The following DYM variants were observed in gnomAD, a reference collection of about 807,000 sequenced individuals.
DYM encodes the protein dyggve-Melchior-Clausen syndrome protein.
DYM carries 78 observed loss-of-function variants against 93.1 expected under a neutral mutation model. The ratio of observed to expected loss-of-function variants is 0.84; its 90% CI spans 0.70 to 1.01. DYM has a LOEUF of 1.01. Ranked by LOEUF, DYM falls within the 50% of genes least tolerant of loss-of-function variation. The probability of loss-of-function intolerance (pLI) is 0.00; values close to 1 mark genes in which losing one functional copy is unlikely to be tolerated. For synonymous variants in DYM, 321 were observed against 319.7 expected (o/e 1.00, Z -0.04); for missense variants, 789 against 845.0 (o/e 0.93, Z 0.82).
chr18:49,089,519 A>G (rs985357040), intron 17 of DYM, among the ~76,000 whole-genome samples: 5 of 152,330 alleles, frequency 3.3e-5, no homozygotes, highest in African/African-American at 4.8e-5. Flanking sequence ...ATCAAGGCCA[A>G]CTGTTAATCC....
chr18:49,351,141 G>T (rs1304678111), intron 6 of DYM, among the ~76,000 whole-genome samples: 3 of 152,100 alleles, frequency 2.0e-5, no homozygotes, highest in African/African-American at 7.2e-5. Context: ...AGAGGGAAGG[G>T]CCGGGTACGG....
chr18:49,333,778 T>A lies in DYM; in HGVS notation c.570A>T (p.Lys190Asn). Reference sequence around the variant, plus strand: ...GGCTGATGCTCTGTCGCAAAACTTCTTTGTGGAAGAGTTGGCAGGAAAGGA... The same window carrying A: ...GGCTGATGCTCTGTCGCAAAACTTCATTGTGGAAGAGTTGGCAGGAAAGGA... ...VVFLSCQLFH[K>N]EVLRQSISHK... The change falls in exon 7 of 18, where the codon AAA (lysine) becomes AAT (asparagine). Residue 190 changes from lysine to asparagine, a missense_variant. This residue lies in a region of DYM where 450 missense variants were observed against 436.2 expected (regional missense o/e 1.03). Coordinates refer to ENST00000675505, the MANE Select transcript of DYM (RefSeq NM_001353214.3). 6.2e-7 allele frequency: 1 copy of A among 1,614,030 alleles called. No individual in the cohort carries two copies. Among genetic ancestry groups the A allele is most frequent in the Non-Finnish European group, 8.5e-7 (1 of 1,179,924 alleles).
intron 14 of DYM, among the ~76,000 whole-genome samples, chr18:49,181,371 A>G (rs1288303698): frequency 6.6e-6 from 1 of 152,174 alleles, no homozygotes; most frequent in Non-Finnish European, 1.5e-5. Context: ...CCCAGTAAAG[A>G]GAACATGTTA....
intron 8 of DYM, among the ~76,000 whole-genome samples, chr18:49,326,474 T>TA (rs561655910): frequency 0.018 from 2,617 of 144,688 alleles, 55 homozygotes; most frequent in African/African-American, 0.053. Context: ...TTGAAAAGCT[T>TA]AAAAAAAAAA....
At chr18:49,292,592 G>GAAAAAAA (rs72415237) in intron 8 of DYM, among the ~76,000 whole-genome samples, 14 of 78,778 alleles carry the variant, frequency 1.8e-4, no homozygotes, top group Non-Finnish European at 1.8e-4. Context: ...TTTCCTGTTG[G>GAAAAAAA]AAAAAAAAAA....
intron 1 of DYM, among the ~76,000 whole-genome samples, chr18:49,433,908 C>T (rs1212356987): frequency 1.3e-5 from 2 of 151,944 alleles, no homozygotes; most frequent in African/African-American, 4.8e-5. Context: ...AAAGCAACAG[C>T]TTATAGATTT....
chr18:49,051,317 C>T (rs755456260), intron 17 of DYM, among the ~76,000 whole-genome samples: 2 of 152,214 alleles, frequency 1.3e-5, no homozygotes, highest in Non-Finnish European at 2.9e-5. Flanking sequence ...GGACAGGAGG[C>T]CTTGGCTCTG....
chr18:49,348,002 C>T (rs1280463068), intron 6 of DYM, among the ~76,000 whole-genome samples: 1 of 152,168 alleles, frequency 6.6e-6, no homozygotes, highest in Non-Finnish European at 1.5e-5. Context: ...CAAACCACTG[C>T]TGGAGCAAGT....
intron 13 of DYM, among the ~76,000 whole-genome samples, chr18:49,218,975 T>C (rs1245624774): frequency 6.6e-6 from 1 of 152,120 alleles, no homozygotes; most frequent in Non-Finnish European, 1.5e-5. Flanking sequence ...GAGCTGGTTT[T>C]TTGAAAGGAT....
At position 49,233,510 on chromosome 18, in the gene DYM, A is replaced by G. The variant is rs575676136; in HGVS notation, c.1460+23500T>C. Reference sequence around the variant, plus strand: ...TAGTTACATGACAGATTTCTCTTCAATCTAACCCTATGTCCCTCTAACTTG... The same window carrying G: ...TAGTTACATGACAGATTTCTCTTCAGTCTAACCCTATGTCCCTCTAACTTG... On this transcript the variant is annotated intron_variant, in intron 13 of 17. Coordinates refer to ENST00000675505, the MANE Select transcript of DYM (RefSeq NM_001353214.3). 1.1e-4 allele frequency among the ~76,000 whole-genome samples: 16 copies of G among 152,278 alleles called. No homozygotes were observed. The South Asian group carries it at 2.1e-3, about 20-fold the overall frequency.
intron 13 of DYM, among the ~76,000 whole-genome samples, chr18:49,218,107 A>C (rs1322570016): frequency 1.3e-5 from 2 of 152,182 alleles, no homozygotes; most frequent in Admixed American, 1.3e-4. Context: ...TTGCAATCCT[A>C]GTGTCTGATA....
At chr18:49,244,862 C>T (rs2094127300) in intron 13 of DYM, among the ~76,000 whole-genome samples, 1 of 152,190 alleles carries the variant, frequency 6.6e-6, no homozygotes, top group African/African-American at 2.4e-5. Context: ...AAGAACAAGA[C>T]ATGGTGCTGT....
intron 13 of DYM, among the ~76,000 whole-genome samples, chr18:49,234,680 G>C (rs1285611942): frequency 6.6e-6 from 1 of 152,138 alleles, no homozygotes; most frequent in African/African-American, 2.4e-5. Context: ...TGGAACCTGT[G>C]AACATGTTAC....
intron 10 of DYM, among the ~76,000 whole-genome samples, chr18:49,272,896 T>G (rs994578219): frequency 6.6e-6 from 1 of 152,128 alleles, no homozygotes; most frequent in Non-Finnish European, 1.5e-5. Context: ...AATTTGTTCC[T>G]TCTTCACTAA....
At chr18:49,392,246 A>G (rs772774865) in intron 2 of DYM, among the ~76,000 whole-genome samples, 7 of 152,204 alleles carry the variant, frequency 4.6e-5, no homozygotes, top group Non-Finnish European at 1.0e-4. Context: ...AGACAGAAAT[A>G]AAGCTTAGAA....
chr18:49,337,144 G>C (rs932570832), intron 6 of DYM, among the ~76,000 whole-genome samples: 1 of 152,148 alleles, frequency 6.6e-6, no homozygotes, highest in African/African-American at 2.4e-5. Context: ...ACTTAGGATA[G>C]CAAAGAGGAA....
chr18:49,170,802 A>AG (rs1218399187), intron 14 of DYM, among the ~76,000 whole-genome samples: 7 of 149,710 alleles, frequency 4.7e-5, no homozygotes, highest in African/African-American at 1.7e-4. Flanking sequence ...AAAAAAAAAA[A>AG]AAAAAAGCAA....
chr18:49,059,580 C>T (rs770091726), intron 17 of DYM, among the ~76,000 whole-genome samples: 6 of 152,110 alleles, frequency 3.9e-5, no homozygotes, highest in Non-Finnish European at 5.9e-5. Context: ...TAGCTGTTTT[C>T]CTGGCTGTTC....
chr18:49,077,501 G>A (rs1206388460), intron 17 of DYM, among the ~76,000 whole-genome samples: 1 of 152,184 alleles, frequency 6.6e-6, no homozygotes, highest in Admixed American at 6.5e-5. Context: ...TATCAATCAA[G>A]GTGAGGTAGT....
Sources: gnomAD v4.1 joint callset for allele counts (sites outside exome capture counted in the v4.1 genomes callset) on GRCh38, gnomAD v4.1.1 for gene constraint, gnomAD v4.1.1 regional missense constraint, MANE v1.5 for transcripts, NCBI Gene and HGNC (gene_info 2026-07-23, HGNC 2026-07-21) for gene names.